Variants in BNC2 observed in about 807,000 individuals in gnomAD.
The protein encoded by BNC2 is zinc finger protein basonuclin-2.
BNC2 carries 20 observed loss-of-function variants against 76.3 expected under a neutral mutation model. The observed-to-expected ratio is 0.26, with a 90% CI of 0.18 to 0.38. BNC2 has a LOEUF of 0.38. BNC2 is among the 10% of genes least tolerant of loss of function. The probability of loss-of-function intolerance (pLI) is 1.00; values close to 1 mark genes in which losing one functional copy is unlikely to be tolerated. For missense variants in BNC2, 1,382 were observed against 1,399.8 expected (o/e 0.99, Z 0.20); for synonymous variants, 582 against 514.8 (o/e 1.13, Z -1.77).
intron 5 of BNC2, among the ~76,000 whole-genome samples, chr9:16,484,795 T>C (rs1271686115): frequency 1.3e-5 from 2 of 152,138 alleles, no homozygotes; most frequent in African/African-American, 4.8e-5. Context: ...ATAATGAACC[T>C]AAGATGAACA....
chr9:16,632,823 A>T (rs1206908343), intron 3 of BNC2, among the ~76,000 whole-genome samples: 1 of 152,146 alleles, frequency 6.6e-6, no homozygotes. Flanking sequence ...CTTTTATGCA[A>T]AAGTCTATAC....
chr9:16,798,258 A>G (rs1315148899), intron 1 of BNC2, among the ~76,000 whole-genome samples: 1 of 152,188 alleles, frequency 6.6e-6, no homozygotes. Context: ...TATATCTTTG[A>G]TGTCCCACCT....
intron 5 of BNC2, among the ~76,000 whole-genome samples, chr9:16,538,511 G>A (rs1229919562): frequency 1.3e-5 from 2 of 151,978 alleles, no homozygotes; most frequent in African/African-American, 4.8e-5. Context: ...GATCCTGATG[G>A]GGCTAAAAAT....
rs1341269345 is a variant in BNC2 at position 16,415,127 on chromosome 9, G to C, written c.*3862C>G. The C allele has an allele frequency of 6.6e-6, 1 of 152,092 alleles. No homozygotes were observed. The highest frequency in any genetic ancestry group is 1.5e-5 in the Non-Finnish European group (1 of 68,022). The allele number at this position is 152,092 out of a possible 1,614,324, so 9.4% of individuals were successfully genotyped here. On this transcript the variant is annotated 3_prime_UTR_variant, in exon 7 of 7. Coordinates refer to ENST00000380672, the MANE Select transcript of BNC2 (RefSeq NM_017637.6). ...ATTAACACCTTTAAACCTTTAAAAG[G>C]CATCAGGCTGAACAGGGCAGCTGGA...
chr9:16,767,189 T>C (rs1825718877), intron 1 of BNC2, among the ~76,000 whole-genome samples: 1 of 152,206 alleles, frequency 6.6e-6, no homozygotes, highest in African/African-American at 2.4e-5. Flanking sequence ...ACTCTCTCCA[T>C]ATTATAGACC....
intron 1 of BNC2, among the ~76,000 whole-genome samples, chr9:16,844,748 C>G (rs1056060306): frequency 6.6e-6 from 1 of 152,148 alleles, no homozygotes; most frequent in Admixed American, 6.5e-5. Flanking sequence ...ATCCACCTGC[C>G]TTGGCCAAAG....
intron 5 of BNC2, among the ~76,000 whole-genome samples, chr9:16,443,481 A>C (rs1291310994): frequency 6.6e-6 from 1 of 152,088 alleles, no homozygotes; most frequent in South Asian, 2.1e-4. Flanking sequence ...AAATTACCAA[A>C]TTTCAAGCCT....
At chr9:16,585,742 A>G (rs1819750411) in intron 3 of BNC2, among the ~76,000 whole-genome samples, 1 of 152,176 alleles carries the variant, frequency 6.6e-6, no homozygotes, top group Non-Finnish European at 1.5e-5. Flanking sequence ...AAACCAGTTA[A>G]GCCTCAAAAA....
intron 3 of BNC2, among the ~76,000 whole-genome samples, chr9:16,679,492 TG>T (rs1822759123): frequency 6.6e-6 from 1 of 152,230 alleles, no homozygotes; most frequent in South Asian, 2.1e-4. Flanking sequence ...GCATGGCAAA[TG>T]GAATCTGAAC....
chr9:16,603,700 A>G (rs1820303315), intron 3 of BNC2, among the ~76,000 whole-genome samples: 1 of 152,178 alleles, frequency 6.6e-6, no homozygotes. Context: ...ATAACTTAAA[A>G]CTTTTAACTT....
intron 1 of BNC2, among the ~76,000 whole-genome samples, chr9:16,834,859 CTTTTT>C (rs778430903): frequency 2.7e-5 from 4 of 147,920 alleles, no homozygotes; most frequent in Non-Finnish European, 4.5e-5. Flanking sequence ...ATTAGTTTTG[CTTTTT>C]TTTTTAAGTG....
intron 1 of BNC2, among the ~76,000 whole-genome samples, chr9:16,832,001 T>C (rs1400632295): frequency 6.6e-6 from 1 of 152,178 alleles, no homozygotes; most frequent in Non-Finnish European, 1.5e-5. Flanking sequence ...CAGCCATAAC[T>C]ATGAAGTTAA....
chr9:16,804,609 C>G (rs576357729), intron 1 of BNC2, among the ~76,000 whole-genome samples: 1 of 152,222 alleles, frequency 6.6e-6, no homozygotes, highest in Non-Finnish European at 1.5e-5. Flanking sequence ...TAGAGGATCT[C>G]TCCAATTCCT....
At chr9:16,859,847 A>G (rs1299484116) in intron 1 of BNC2, among the ~76,000 whole-genome samples, 1 of 152,330 alleles carries the variant, frequency 6.6e-6, no homozygotes, top group African/African-American at 2.4e-5. Context: ...TGGGCCAGGC[A>G]CGGCGGCTCA....
intron 1 of BNC2, among the ~76,000 whole-genome samples, chr9:16,828,286 T>C (rs1818498216): frequency 6.6e-6 from 1 of 152,228 alleles, no homozygotes. Flanking sequence ...ATACTGATTA[T>C]ATTTTATAGA....
intron 1 of BNC2, among the ~76,000 whole-genome samples, chr9:16,766,955 T>A (rs904848375): frequency 2.0e-5 from 3 of 152,220 alleles, no homozygotes; most frequent in Non-Finnish European, 4.4e-5. Context: ...ACTTAACAAG[T>A]GTAAATACAG....
chr9:16,791,923 C>A (rs1817521367), intron 1 of BNC2, among the ~76,000 whole-genome samples: 1 of 152,000 alleles, frequency 6.6e-6, no homozygotes, highest in Non-Finnish European at 1.5e-5. Context: ...GGCAGCATGG[C>A]AAAACTCCAT....
At chr9:16,699,551 T>A (rs577186091) in intron 3 of BNC2, among the ~76,000 whole-genome samples, 2 of 152,314 alleles carry the variant, frequency 1.3e-5, no homozygotes, top group East Asian at 3.9e-4. Context: ...ATGTACATGA[T>A]GCAAGTATAA....
intron 3 of BNC2, among the ~76,000 whole-genome samples, chr9:16,700,850 G>A (rs537626834): frequency 9.2e-5 from 14 of 151,988 alleles, no homozygotes; most frequent in South Asian, 2.1e-4. Flanking sequence ...ACCTGTAATC[G>A]CGGTTATTTG....
Sources: allele counts gnomAD v4.1 joint callset (sites outside exome capture counted in the v4.1 genomes callset), GRCh38; gene constraint gnomAD v4.1.1; transcripts MANE v1.5; gene names NCBI Gene and HGNC (gene_info 2026-07-23, HGNC 2026-07-21).